RALYL: variants seen among roughly 807,000 people sequenced by gnomAD.
RALYL encodes the protein RALY RNA binding protein like.
In RALYL, 29 loss-of-function variants were observed where a neutral mutation model predicts 35.1. The ratio of observed to expected loss-of-function variants is 0.83; its 90% CI spans 0.61 to 1.13. The LOEUF is 1.13. Among genes scored for constraint, RALYL ranks in the 50% most tolerant of loss-of-function variants. The pLI, the probability that RALYL is intolerant of heterozygous loss-of-function variation, is 0.00. For synonymous variants in RALYL, 120 were observed against 127.6 expected, an observed-to-expected ratio of 0.94 and a Z score of 0.40; for missense variants, 359 against 360.4, an observed-to-expected ratio of 1.00 and a Z score of 0.03.
intron 1 of RALYL, among the ~76,000 whole-genome samples, chr8:84,229,611 C>G (rs1314210490): frequency 6.6e-6 from 1 of 152,004 alleles, no homozygotes; most frequent in Non-Finnish European, 1.5e-5. Flanking sequence ...TGTGTAGCTG[C>G]CCACATCTCT....
At chr8:84,842,683 C>T (rs886706990) in intron 4 of RALYL, among the ~76,000 whole-genome samples, 3 of 152,100 alleles carry the variant, frequency 2.0e-5, no homozygotes, top group African/African-American at 7.2e-5. Context: ...AATTTTAGAC[C>T]AATATCCTTG....
At chr8:84,233,065 C>T (rs1306186200) in intron 1 of RALYL, among the ~76,000 whole-genome samples, 1 of 151,958 alleles carries the variant, frequency 6.6e-6, no homozygotes, top group Non-Finnish European at 1.5e-5. Context: ...TCACTGTAAC[C>T]TCAAACCCCT....
intron 2 of RALYL, among the ~76,000 whole-genome samples, chr8:84,667,642 A>AT (rs1262193277): frequency 3.9e-5 from 6 of 151,918 alleles, no homozygotes; most frequent in African/African-American, 9.7e-5. Flanking sequence ...AGTCCATTAC[A>AT]TTTTTTTTCC....
Position 84,347,602 on chromosome 8 carries a change from A to G in RALYL, c.-24+163178A>G, listed in dbSNP as rs1342702828. 3.3e-5 allele frequency among the ~76,000 whole-genome samples: 5 copies of G among 152,040 alleles called. No homozygotes were observed. The East Asian group carries it at 9.7e-4, about 30-fold the overall frequency. On this transcript the variant is annotated intron_variant, in intron 1 of 8. Coordinates refer to ENST00000521268, the MANE Select transcript of RALYL (RefSeq NM_173848.7). ...AATATATCCTTCTTCTCGTCTCTCA[A>G]ACTAGTTTTGCCCATTGCTTCACCT... is the stretch of plus-strand genomic sequence containing the variant.
At chr8:84,511,440 T>G (rs2057612831) in intron 1 of RALYL, among the ~76,000 whole-genome samples, 1 of 152,218 alleles carries the variant, frequency 6.6e-6, no homozygotes, top group Non-Finnish European at 1.5e-5. Context: ...ATGGTAGTTG[T>G]ACATATTTAT....
chr8:84,320,111 A>G (rs1299394399), intron 1 of RALYL, among the ~76,000 whole-genome samples: 1 of 151,996 alleles, frequency 6.6e-6, no homozygotes, highest in Non-Finnish European at 1.5e-5. Flanking sequence ...CCATAGTAGT[A>G]ATTTTACAGT....
intron 6 of RALYL, among the ~76,000 whole-genome samples, chr8:84,868,024 A>AAATT (rs1196703244): frequency 6.6e-6 from 1 of 152,144 alleles, no homozygotes; most frequent in East Asian, 1.9e-4. Context: ...GCATAATAAT[A>AAATT]AATTAGTTAC....
Position 84,313,745 on chromosome 8 carries a change from C to T in RALYL, c.-24+129321C>T, listed in dbSNP as rs200793184. On this transcript the variant is annotated intron_variant, in intron 1 of 8. Coordinates refer to ENST00000521268, the MANE Select transcript of RALYL (RefSeq NM_173848.7). ...CCACCTCAGTCTGGACTTCATTGTCCGTATTACTATCAGCATTTTGGTCAA... is the reference window on the plus strand; with the variant it reads ...CCACCTCAGTCTGGACTTCATTGTCTGTATTACTATCAGCATTTTGGTCAA... Among the ~76,000 whole-genome samples, 4 of 152,236 alleles carry T rather than the reference C, an allele frequency of 2.6e-5. No homozygotes were observed. The East Asian group carries it at 7.7e-4, about 29-fold the overall frequency.
At chr8:84,517,354 C>A (rs2058143184) in intron 1 of RALYL, among the ~76,000 whole-genome samples, 1 of 152,078 alleles carries the variant, frequency 6.6e-6, no homozygotes, top group Non-Finnish European at 1.5e-5. Flanking sequence ...GGTCATAATA[C>A]TGAAGGAAAG....
chr8:84,350,739 T>A (rs1850731990), intron 1 of RALYL, among the ~76,000 whole-genome samples: 1 of 150,128 alleles, frequency 6.7e-6, no homozygotes, highest in Non-Finnish European at 1.5e-5. Flanking sequence ...CAGTGGAAAT[T>A]GGCTAAGAGT....
chr8:84,490,988 G>A (rs1345076099), intron 1 of RALYL, among the ~76,000 whole-genome samples: 1 of 151,874 alleles, frequency 6.6e-6, no homozygotes. Context: ...CAGAGTTGAA[G>A]ACCCCTATGA....
intron 1 of RALYL, among the ~76,000 whole-genome samples, chr8:84,428,896 C>A (rs1020812963): frequency 6.6e-6 from 1 of 152,058 alleles, no homozygotes; most frequent in Non-Finnish European, 1.5e-5. Context: ...AATTTATAAA[C>A]CACCTTTAAT....
intron 2 of RALYL, among the ~76,000 whole-genome samples, chr8:84,770,972 TGAA>T (rs1037938248): frequency 5.9e-5 from 9 of 152,190 alleles, no homozygotes; most frequent in African/African-American, 2.2e-4. Context: ...GTATAAATTG[TGAA>T]GATTTTCTCC....
intron 3 of RALYL, among the ~76,000 whole-genome samples, chr8:84,786,125 C>T (rs1363192017): frequency 6.6e-6 from 1 of 152,236 alleles, no homozygotes; most frequent in African/African-American, 2.4e-5. Context: ...ATAATGACTT[C>T]TAGCTCCATC....
chr8:84,603,128 C>A (rs563445479), intron 2 of RALYL, among the ~76,000 whole-genome samples: 1 of 151,856 alleles, frequency 6.6e-6, no homozygotes, highest in Admixed American at 6.6e-5. Flanking sequence ...AAAAGAACAG[C>A]AATTATAAAT....
intron 1 of RALYL, among the ~76,000 whole-genome samples, chr8:84,519,868 T>A (rs769815456): frequency 3.9e-5 from 6 of 152,206 alleles, no homozygotes; most frequent in Non-Finnish European, 8.8e-5. Flanking sequence ...TTTTACAGGA[T>A]GTTGCTGACC....
At chr8:84,472,690 GA>G (rs978819654) in intron 1 of RALYL, among the ~76,000 whole-genome samples, 23 of 150,592 alleles carry the variant, frequency 1.5e-4, no homozygotes, top group African/African-American at 4.9e-4. Context: ...ACTCAAGCCT[GA>G]AAAAAAAAGT....
At chr8:84,605,610 C>T (rs1245539955) in intron 2 of RALYL, among the ~76,000 whole-genome samples, 2 of 152,092 alleles carry the variant, frequency 1.3e-5, no homozygotes, top group Non-Finnish European at 2.9e-5. Context: ...GGTTCTATGC[C>T]CACAGCCATG....
At chr8:84,200,067 A>G (rs545573296) in intron 1 of RALYL, among the ~76,000 whole-genome samples, 13 of 152,294 alleles carry the variant, frequency 8.5e-5, no homozygotes, top group African/African-American at 2.2e-4. Context: ...ATGATAAGCA[A>G]TTCAAAATAT....
Sources: gnomAD v4.1 joint callset for allele counts (sites outside exome capture counted in the v4.1 genomes callset) on GRCh38, gnomAD v4.1.1 for gene constraint, MANE v1.5 for transcripts, NCBI Gene and HGNC (gene_info 2026-07-23, HGNC 2026-07-21) for gene names.